The following DMD variants were observed in gnomAD, a reference collection of about 807,000 sequenced individuals.
DMD encodes mutant dystrophin.
In DMD, 63 loss-of-function variants were observed where a neutral mutation model predicts 330.1. The observed-to-expected ratio is 0.19, with a 90% CI of 0.16 to 0.24. DMD has a LOEUF of 0.24. Among genes scored for constraint, DMD ranks in the 10% least tolerant of loss-of-function variants. The pLI is 1.00. For missense variants in DMD, 3,344 were observed against 2,684.1 expected, an observed-to-expected ratio of 1.25 and a Z score of -5.43; for synonymous variants, 1,223 against 959.8, an observed-to-expected ratio of 1.27 and a Z score of -5.07.
intron 62 of DMD, among the ~76,000 whole-genome samples, chrX:31,299,957 A>C (rs916966603): frequency 9.0e-6 from 1 of 111,689 alleles, no homozygotes; most frequent in African/African-American, 3.3e-5. Context: ...GGGAATATAC[A>C]AGAGGAAACA....
intron 16 of DMD, among the ~76,000 whole-genome samples, chrX:32,552,837 G>A (rs969341073): frequency 3.6e-5 from 4 of 111,990 alleles, no homozygotes; most frequent in Non-Finnish European, 7.5e-5. Flanking sequence ...ATAATCATTA[G>A]AGAAGTGCAG....
At chrX:32,486,614 C>G (rs932432186) in intron 20 of DMD, among the ~76,000 whole-genome samples, 9 of 109,402 alleles carry the variant, frequency 8.2e-5, no homozygotes, top group Non-Finnish European at 1.3e-4. Context: ...TACAAGGCTA[C>G]AGTAACCAAA....
At chrX:31,694,645 T>C (rs1277335139) in intron 52 of DMD, among the ~76,000 whole-genome samples, 4 of 91,898 alleles carry the variant, frequency 4.4e-5, no homozygotes, top group Non-Finnish European at 8.3e-5. Flanking sequence ...TATATATATA[T>C]ATATACACAC....
chrX:32,423,142 A>G (rs749889489), intron 29 of DMD, among the ~76,000 whole-genome samples: 2 of 110,701 alleles, frequency 1.8e-5, no homozygotes, highest in African/African-American at 3.3e-5. Flanking sequence ...CTACTGATTT[A>G]GCTTTTACAA....
intron 2 of DMD, among the ~76,000 whole-genome samples, chrX:32,979,274 G>A (rs1370874337): frequency 8.9e-6 from 1 of 112,037 alleles, no homozygotes; most frequent in Non-Finnish European, 1.9e-5. Context: ...TGGGCTTAGA[G>A]TTACTCTGGA....
At chrX:32,595,267 A>C (rs955683855) in intron 13 of DMD, among the ~76,000 whole-genome samples, 1 of 111,496 alleles carries the variant, frequency 9.0e-6, no homozygotes, top group African/African-American at 3.3e-5. Flanking sequence ...AATACAGAAG[A>C]GTATAGGCCC....
At chrX:31,266,882 C>T in intron 62 of DMD, 1 of 1,193,138 alleles carries the variant, frequency 8.4e-7, no homozygotes, top group Non-Finnish European at 1.1e-6. Context: ...AGTGAGCTTC[C>T]CAGAGCCGCC....
intron 47 of DMD, among the ~76,000 whole-genome samples, chrX:31,905,286 A>C (rs1274459050): frequency 9.0e-6 from 1 of 111,560 alleles, no homozygotes; most frequent in Non-Finnish European, 1.9e-5. Context: ...AAGTTTCCAC[A>C]ATTTCACACA....
intron 5 of DMD, 77 bp from the exon 6 acceptor site, chrX:32,816,717 T>C (rs1409177606): frequency 8.9e-6 from 9 of 1,008,242 alleles, no homozygotes; most frequent in Non-Finnish European, 1.1e-5. Flanking sequence ...ATGAATGTCC[T>C]TGATCTTCAG....
intron 41 of DMD, among the ~76,000 whole-genome samples, chrX:32,333,207 T>C (rs776031247): frequency 1.5e-4 from 17 of 112,118 alleles, no homozygotes; most frequent in Non-Finnish European, 3.0e-4. Flanking sequence ...GCACATCATT[T>C]TCTTTTGCAG....
At chrX:31,926,420 T>C (rs1435960818) in intron 47 of DMD, among the ~76,000 whole-genome samples, 1 of 111,612 alleles carries the variant, frequency 9.0e-6, no homozygotes, top group African/African-American at 3.3e-5. Flanking sequence ...CTCACACCTG[T>C]AATCCCCGCA....
At chrX:32,410,588 G>A (rs1005058381) in intron 30 of DMD, among the ~76,000 whole-genome samples, 1 of 111,674 alleles carries the variant, frequency 9.0e-6, no homozygotes, top group Non-Finnish European at 1.9e-5. Flanking sequence ...CTGGCAGGGA[G>A]AAGGCTTTGA....
intron 64 of DMD, among the ~76,000 whole-genome samples, chrX:31,220,896 A>ATTT (rs61226425): frequency 3.4e-4 from 12 of 34,813 alleles, no homozygotes; most frequent in East Asian, 1.0e-3. Flanking sequence ...TTTTTTTGCG[A>ATTT]TTTTTTTTTT....
At position 31,687,551 on chromosome X, in the gene DMD, G is replaced by A. The variant is rs755847980; in HGVS notation, c.7661-7965C>T. Among the ~76,000 whole-genome samples, 4 of 111,877 alleles carry A rather than the reference G, an allele frequency of 3.6e-5. No individual in the cohort carries two copies. In the South Asian group the frequency reaches 1.5e-3, roughly 43 times the overall value. ...AAGCAGAACCCTCATGGTGGTGAGG[G>A]CCACAGGGAGAGGATCCTCTGCCTT... On this transcript the variant is annotated intron_variant, in intron 52 of 78. Coordinates refer to ENST00000357033, the MANE Select transcript of DMD (RefSeq NM_004006.3).
chrX:32,311,632 G>A (rs953645774), intron 41 of DMD, among the ~76,000 whole-genome samples: 12 of 111,233 alleles, frequency 1.1e-4, no homozygotes, highest in African/African-American at 3.9e-4. Flanking sequence ...ATTCCTTCAT[G>A]TTCAATGGAA....
intron 59 of DMD, among the ~76,000 whole-genome samples, chrX:31,467,508 A>T (rs1016263664): frequency 2.7e-5 from 3 of 111,804 alleles, no homozygotes; most frequent in Non-Finnish European, 5.6e-5. Flanking sequence ...CATCCCAGGG[A>T]TGAAGCCAAC....
intron 60 of DMD, among the ~76,000 whole-genome samples, chrX:31,435,274 GCTCA>G (rs1202960339): frequency 8.9e-6 from 1 of 111,862 alleles, no homozygotes; most frequent in Non-Finnish European, 1.9e-5. Context: ...TAAGCGTAAT[GCTCA>G]CTAAAATTAT....
chrX:32,678,652 C>T (rs1367996786), intron 9 of DMD, among the ~76,000 whole-genome samples: 2 of 111,126 alleles, frequency 1.8e-5, no homozygotes, highest in Non-Finnish European at 3.8e-5. Flanking sequence ...AACATGTGAT[C>T]CCTTCTCTAC....
At chrX:32,717,765 C>A (rs1297102657) in intron 7 of DMD, among the ~76,000 whole-genome samples, 1 of 111,454 alleles carries the variant, frequency 9.0e-6, no homozygotes, top group Non-Finnish European at 1.9e-5. Flanking sequence ...GCTGTACACC[C>A]TGCTGAGCCA....
Sources: allele counts gnomAD v4.1 joint callset (sites outside exome capture counted in the v4.1 genomes callset), GRCh38; gene constraint gnomAD v4.1.1; transcripts MANE v1.5; gene names NCBI Gene and HGNC (gene_info 2026-07-23, HGNC 2026-07-21).